BNC2: variants seen among roughly 807,000 people sequenced by gnomAD.
BNC2 encodes the protein zinc finger protein basonuclin-2.
In BNC2, 20 loss-of-function variants were observed where a neutral mutation model predicts 76.3. The ratio of observed to expected loss-of-function variants is 0.26; its 90% CI spans 0.18 to 0.38. The LOEUF (loss-of-function observed/expected upper bound fraction) is 0.38, where lower values mean the gene tolerates loss of function less well. Ranked by LOEUF, BNC2 falls within the 10% of genes least tolerant of loss-of-function variation. The pLI, the probability that BNC2 is intolerant of heterozygous loss-of-function variation, is 1.00. For synonymous variants in BNC2, 582 were observed against 514.8 expected, an observed-to-expected ratio of 1.13 and a Z score of -1.77; for missense variants, 1,382 against 1,399.8, an observed-to-expected ratio of 0.99 and a Z score of 0.20.
intron 1 of BNC2, among the ~76,000 whole-genome samples, chr9:16,804,942 G>A (rs1432411260): frequency 6.6e-6 from 1 of 151,980 alleles, no homozygotes; most frequent in Non-Finnish European, 1.5e-5. Flanking sequence ...TGCGCCTGTA[G>A]TCCCAGCTAC....
intron 1 of BNC2, among the ~76,000 whole-genome samples, chr9:16,743,209 C>T (rs904206337): frequency 2.6e-5 from 4 of 151,580 alleles, no homozygotes; most frequent in Non-Finnish European, 5.9e-5. Flanking sequence ...TTTGACATCT[C>T]CAAAGAAACT....
At chr9:16,476,217 C>T (rs1383988028) in intron 5 of BNC2, 2 of 152,128 alleles carry the variant, frequency 1.3e-5, no homozygotes, top group Non-Finnish European at 1.5e-5. Flanking sequence ...TGATTCATTA[C>T]AATAAAAACA....
At chr9:16,641,348 G>A (rs565065101) in intron 3 of BNC2, among the ~76,000 whole-genome samples, 1 of 152,144 alleles carries the variant, frequency 6.6e-6, no homozygotes, top group East Asian at 1.9e-4. Flanking sequence ...CAGATGAGTG[G>A]GACATTTCTT....
At position 16,545,396 on chromosome 9, in the gene BNC2, T is replaced by C. The variant is rs1047337354; in HGVS notation, c.669+7134A>G. On this transcript the variant is annotated intron_variant, in intron 5 of 6. Coordinates refer to ENST00000380672, the MANE Select transcript of BNC2 (RefSeq NM_017637.6). Reference sequence around the variant, plus strand: ...ACTACTAAGTGCTTTCTGTGAATCATTCTACTTTGTCTTCACATCAAAGCC... The same window carrying C: ...ACTACTAAGTGCTTTCTGTGAATCACTCTACTTTGTCTTCACATCAAAGCC... 4.6e-5 allele frequency among the ~76,000 whole-genome samples: 7 copies of C among 152,212 alleles called. 1 individual carries two copies. Among genetic ancestry groups the C allele is most frequent in the African/African-American group, 1.7e-4 (7 of 41,454 alleles).
chr9:16,834,872 G>A (rs976493091), intron 1 of BNC2, among the ~76,000 whole-genome samples: 1 of 151,858 alleles, frequency 6.6e-6, no homozygotes, highest in African/African-American at 2.4e-5. Context: ...TTTTTTTTAA[G>A]TGAGATGTTA....
chr9:16,804,638 C>T (rs542102621), intron 1 of BNC2, among the ~76,000 whole-genome samples: 20 of 152,136 alleles, frequency 1.3e-4, no homozygotes, highest in Non-Finnish European at 2.6e-4. Flanking sequence ...AACTGGAACA[C>T]GAAGTGGAGT....
chr9:16,589,507 T>TTGTTTGTC lies in BNC2; in HGVS notation c.331-6423_331-6422insGACAAACA, dbSNP rs1243033109. On this transcript the variant is annotated intron_variant, in intron 3 of 6. Coordinates refer to ENST00000380672, the MANE Select transcript of BNC2 (RefSeq NM_017637.6). ...GGCCTAAAAGCCATTTTTTGTTTGTTTGTTTGTTTGTTTGTTTTTGAGACG... is the reference window on the plus strand; with the variant it reads ...GGCCTAAAAGCCATTTTTTGTTTGTTTGTTTGTCTGTTTGTTTGTTTGTTTTTGAGACG... Among the ~76,000 whole-genome samples the TTGTTTGTC allele has an allele frequency of 5.6e-3, 841 of 149,438 alleles. 4 individuals carry two copies. Among genetic ancestry groups the TTGTTTGTC allele is most frequent in the African/African-American group, 0.02 (795 of 40,658 alleles).
rs149085571 is a variant in BNC2, at chr9:16,481,539, G to C, written c.670-44015C>G. Among the ~76,000 whole-genome samples the C allele has an allele frequency of 3.9e-3, 596 of 152,234 alleles. 2 individuals carry two copies. Among genetic ancestry groups the C allele is most frequent in the Middle Eastern group, 0.017 (5 of 294 alleles). ...AAGAACTCCAGACACGCCACCTTAAGAGCTGTAACATTCACCGCGAGGGTC... is the reference window on the plus strand; with the variant it reads ...AAGAACTCCAGACACGCCACCTTAACAGCTGTAACATTCACCGCGAGGGTC... On this transcript the variant is annotated intron_variant, in intron 5 of 6. Coordinates refer to ENST00000380672, the MANE Select transcript of BNC2 (RefSeq NM_017637.6).
At position 16,505,226 on chromosome 9, in the gene BNC2, G is replaced by C. The variant is rs151242779; in HGVS notation, c.669+47304C>G. ...CTGTCAAGTCAGTGCTATCCTGCCT[G>C]AGTAGCAAATCACATCCCACACCAT... is the stretch of plus-strand genomic sequence containing the variant. On this transcript the variant is annotated intron_variant, in intron 5 of 6. Coordinates refer to ENST00000380672, the MANE Select transcript of BNC2 (RefSeq NM_017637.6). Among the ~76,000 whole-genome samples the C allele has an allele frequency of 2.2e-3, 334 of 152,336 alleles. 1 individual carries two copies. The highest frequency in any genetic ancestry group is 1.5e-3 in the Non-Finnish European group (103 of 68,034).
At chr9:16,608,546 A>G (rs569939430) in intron 3 of BNC2, among the ~76,000 whole-genome samples, 1 of 152,232 alleles carries the variant, frequency 6.6e-6, no homozygotes, top group South Asian at 2.1e-4. Context: ...TTGTTGTGTC[A>G]CTCAGGCTGG....
At chr9:16,767,291 C>A (rs1305125792) in intron 1 of BNC2, among the ~76,000 whole-genome samples, 2 of 152,192 alleles carry the variant, frequency 1.3e-5, no homozygotes, top group Non-Finnish European at 2.9e-5. Flanking sequence ...TACTGGCAGG[C>A]TGGGGAGAAC....
Position 16,414,963 on chromosome 9 carries a change from C to T in BNC2, c.*4026G>A, listed in dbSNP as rs1280187897. On this transcript the variant is annotated 3_prime_UTR_variant, in exon 7 of 7. Coordinates refer to ENST00000380672, the MANE Select transcript of BNC2 (RefSeq NM_017637.6). ...CTTAGAGCAATGTATAATAATGGGG[C>T]TGTTAACCAGTTAAGTGCCTTTCTC... 2.8e-5 allele frequency: 4 copies of T among 145,232 alleles called. No individual in the cohort carries two copies. Among genetic ancestry groups the T allele is most frequent in the African/African-American group, 1.0e-4 (4 of 39,002 alleles). The allele number at this position is 145,232 out of a possible 1,614,324, so 9.0% of individuals were successfully genotyped here. A position where few individuals can be genotyped will look rare whatever the true frequency, so the allele number is the denominator to read the frequency against.
At chr9:16,843,966 T>G (rs754660040) in intron 1 of BNC2, among the ~76,000 whole-genome samples, 1 of 152,136 alleles carries the variant, frequency 6.6e-6, no homozygotes, top group Non-Finnish European at 1.5e-5. Flanking sequence ...TCTTAGGTTT[T>G]TTGTTGTTGT....
chr9:16,719,559 A>C (rs994809985), intron 3 of BNC2, among the ~76,000 whole-genome samples: 1 of 152,184 alleles, frequency 6.6e-6, no homozygotes, highest in African/African-American at 2.4e-5. Flanking sequence ...AAGACACCTT[A>C]ATAAAGTTGA....
chr9:16,475,048 C>T (rs541849095), intron 5 of BNC2, among the ~76,000 whole-genome samples: 124 of 152,310 alleles, frequency 8.1e-4, no homozygotes, highest in African/African-American at 2.7e-3. Flanking sequence ...GGCTTTTCCA[C>T]ACTCTAGGTA....
At position 16,698,561 on chromosome 9, in the gene BNC2, C is replaced by A. The variant is rs561204583; in HGVS notation, c.330+29236G>T. Among the ~76,000 whole-genome samples the A allele has an allele frequency of 6.6e-5, 10 of 152,144 alleles. No individual in the cohort carries two copies. In the East Asian group the frequency reaches 1.9e-3, roughly 30 times the overall value. On this transcript the variant is annotated intron_variant, in intron 3 of 6. Transcript: ENST00000380672. ...CAAAAAAATTAGCTGGGCGTGGTGGCGCATGCCTGTAATCCCAGATACTCG... is the reference window on the plus strand; with the variant it reads ...CAAAAAAATTAGCTGGGCGTGGTGGAGCATGCCTGTAATCCCAGATACTCG...
chr9:16,635,112 G>A (rs1821285485), intron 3 of BNC2, among the ~76,000 whole-genome samples: 1 of 152,138 alleles, frequency 6.6e-6, no homozygotes, highest in South Asian at 2.1e-4. Flanking sequence ...TGCAGTCTTA[G>A]CTGCATTATT....
intron 3 of BNC2, among the ~76,000 whole-genome samples, chr9:16,669,549 T>A (rs758649105): frequency 2.4e-4 from 36 of 152,348 alleles, no homozygotes; most frequent in Non-Finnish European, 4.1e-4. Context: ...TTATAACAGT[T>A]ATAAATTCTT....
At chr9:16,849,001 A>G (rs1819060068) in intron 1 of BNC2, among the ~76,000 whole-genome samples, 1 of 152,188 alleles carries the variant, frequency 6.6e-6, no homozygotes, top group Non-Finnish European at 1.5e-5. Context: ...CCCATTATGT[A>G]AATGTAAATA....
Sources: allele counts gnomAD v4.1 joint callset (sites outside exome capture counted in the v4.1 genomes callset), GRCh38; gene constraint gnomAD v4.1.1; transcripts MANE v1.5; gene names NCBI Gene and HGNC (gene_info 2026-07-23, HGNC 2026-07-21).